The following ANKFN1 variants were observed in gnomAD, a reference collection of about 807,000 sequenced individuals.
ANKFN1 encodes the protein ankyrin repeat and fibronectin type III domain containing 1, also known as ankyrin repeat and fibronectin type-III domain-containing protein 1.
A neutral mutation model predicts 108.7 loss-of-function variants in ANKFN1; 74 were observed. That is an observed-to-expected ratio of 0.68 (90% CI 0.56 to 0.83). The LOEUF is 0.83. Among genes scored for constraint, ANKFN1 ranks in the 40% least tolerant of loss-of-function variants. ANKFN1 has a pLI of 0.00. For synonymous variants in ANKFN1, 547 were observed against 516.2 expected (o/e 1.06, Z -0.81); for missense variants, 1,505 against 1,382.3 (o/e 1.09, Z -1.41).
intron 3 of ANKFN1, among the ~76,000 whole-genome samples, chr17:56,285,879 C>A (rs781165681): frequency 3.3e-5 from 5 of 152,046 alleles, no homozygotes; most frequent in Admixed American, 6.6e-5. Flanking sequence ...ATGATCACCT[C>A]CTACTGATCT....
chr17:56,178,135 G>C (rs761504934), intron 1 of ANKFN1, among the ~76,000 whole-genome samples: 1 of 152,112 alleles, frequency 6.6e-6, no homozygotes, highest in Non-Finnish European at 1.5e-5. Flanking sequence ...AGTCCTAAAA[G>C]GTTGTAGGAT....
chr17:56,372,702 G>A lies in ANKFN1; in HGVS notation c.658G>A (p.Glu220Lys). 10 of 1,614,064 alleles carry A rather than the reference G, an allele frequency of 6.2e-6. No individual in the cohort carries two copies. The highest frequency in any genetic ancestry group is 7.6e-6 in the Non-Finnish European group (9 of 1,179,958). The change falls in exon 7 of 21, where the codon GAG (glutamate) becomes AAG (lysine). Residue 220 changes from glutamate (E) to lysine (K), a missense_variant. Glu to Lys is a moderately conservative substitution (Grantham distance 56). Transcript: ENST00000682825. Reference protein sequence around the residue: ...HLNTLVQEAQERVSELSAQVE... With the variant: ...HLNTLVQEAQKRVSELSAQVE... ...CAACACACTGGTCCAGGAAGCCCAG[G>A]AGAGGGTGAGTGAACTGTCTGCCCA...
intron 11 of ANKFN1, among the ~76,000 whole-genome samples, chr17:56,451,233 C>T (rs989141343): frequency 6.6e-6 from 1 of 152,124 alleles, no homozygotes; most frequent in African/African-American, 2.4e-5. Context: ...GTCACATTTG[C>T]TTAAACAAGC....
chr17:56,187,267 T>C (rs370149867), intron 1 of ANKFN1, among the ~76,000 whole-genome samples: 13 of 152,052 alleles, frequency 8.5e-5, no homozygotes, highest in African/African-American at 3.1e-4. Flanking sequence ...CATCAAAAAG[T>C]GGGCAAAGGA....
At chr17:56,074,301 A>G (rs1905155655) in intron 4 of ANKFN1, among the ~76,000 whole-genome samples, 1 of 152,198 alleles carries the variant, frequency 6.6e-6, no homozygotes. Context: ...TATAACCTGC[A>G]GGGGCACCCA....
intron 3 of ANKFN1, among the ~76,000 whole-genome samples, chr17:56,250,296 A>G (rs977482616): frequency 6.6e-6 from 1 of 152,214 alleles, no homozygotes; most frequent in African/African-American, 2.4e-5. Context: ...GTAAGGCTTC[A>G]TCTTACATGA....
At chr17:56,368,125 C>G in intron 6 of ANKFN1, 1 of 1,244,172 alleles carries the variant, frequency 8.0e-7, no homozygotes, top group Non-Finnish European at 1.1e-6. Flanking sequence ...GACAATGAGC[C>G]TGATCACTAT....
At chr17:56,149,668 C>T (rs1908478034), upstream of ANKFN1, among the ~76,000 whole-genome samples, 1 of 152,178 alleles carries the variant, frequency 6.6e-6, no homozygotes, top group Non-Finnish European at 1.5e-5. Flanking sequence ...CTCAGTCCCT[C>T]CCCAGATGAG....
intron 18 of ANKFN1, among the ~76,000 whole-genome samples, chr17:56,491,395 A>G (rs2051034209): frequency 6.6e-6 from 1 of 152,180 alleles, no homozygotes; most frequent in African/African-American, 2.4e-5. Context: ...GTTACGGTAT[A>G]AGATCAGAGC....
chr17:56,367,415 T>C (rs2046690667), intron 6 of ANKFN1, among the ~76,000 whole-genome samples: 1 of 151,712 alleles, frequency 6.6e-6, no homozygotes, highest in South Asian at 2.1e-4. Flanking sequence ...GTAACTCTAA[T>C]TGTATTCTTT....
intron 3 of ANKFN1, among the ~76,000 whole-genome samples, chr17:56,246,945 G>C (rs1286043187): frequency 6.6e-6 from 1 of 152,068 alleles, no homozygotes. Flanking sequence ...CCAGAGTTCT[G>C]TTTAATTTTT....
intron 8 of ANKFN1, among the ~76,000 whole-genome samples, chr17:56,385,456 C>T: frequency 6.6e-6 from 1 of 152,084 alleles, no homozygotes; most frequent in East Asian, 1.9e-4. Context: ...CAACAAAAGT[C>T]AAAATTGACA....
Position 56,375,478 on chromosome 17 carries a change from A to G in ANKFN1, c.910+764A>G, listed in dbSNP as rs527295972. On this transcript the variant is annotated intron_variant, in intron 8 of 20. Coordinates refer to ENST00000682825, the MANE Select transcript of ANKFN1 (RefSeq NM_001370326.1). Reference sequence around the variant, plus strand: ...ACTATGATCAACAGAAAAGGACAGAATGAGGCTCGAAATTAAGGCTAGGGA... The same window carrying G: ...ACTATGATCAACAGAAAAGGACAGAGTGAGGCTCGAAATTAAGGCTAGGGA... Among the ~76,000 whole-genome samples the G allele has an allele frequency of 3.3e-5, 5 of 152,292 alleles. No individual in the cohort carries two copies. In the East Asian group the frequency reaches 5.8e-4, roughly 18 times the overall value.
intron 6 of ANKFN1, chr17:56,368,276 C>CTTTTTTTTTTTTCTTTTT (rs2046714413): frequency 1.5e-5 from 1 of 65,416 alleles, no homozygotes; most frequent in Non-Finnish European, 3.0e-5. Flanking sequence ...TGAAAATGAA[C>CTTTTTTTTTTTTCTTTTT]TTTTTTTTTT....
chr17:56,331,868 G>A (rs575041667), intron 4 of ANKFN1, among the ~76,000 whole-genome samples: 2 of 152,268 alleles, frequency 1.3e-5, no homozygotes, highest in East Asian at 1.9e-4. Context: ...AAGAAAAAAG[G>A]GAAGTGAGTC....
intron 1 of ANKFN1, among the ~76,000 whole-genome samples, chr17:56,163,562 C>A (rs1909876288): frequency 6.6e-6 from 1 of 152,198 alleles, no homozygotes. Context: ...TACTTCCATA[C>A]CTATGTTTCC....
chr17:56,299,293 T>C (rs1049438861), intron 3 of ANKFN1, among the ~76,000 whole-genome samples: 3 of 152,098 alleles, frequency 2.0e-5, no homozygotes, highest in Non-Finnish European at 4.4e-5. Flanking sequence ...CTCCAATACC[T>C]TCCAGTGTTC....
intron 1 of ANKFN1, among the ~76,000 whole-genome samples, chr17:56,193,665 C>A (rs1307210845): frequency 6.6e-6 from 1 of 150,802 alleles, no homozygotes; most frequent in African/African-American, 2.4e-5. Flanking sequence ...AAATAAAAAG[C>A]ATAACACTCC....
intron 3 of ANKFN1, among the ~76,000 whole-genome samples, chr17:56,277,747 C>A (rs1436673372): frequency 3.3e-5 from 5 of 152,098 alleles, no homozygotes; most frequent in Non-Finnish European, 7.4e-5. Context: ...TCACTCACTG[C>A]CATAAAATCA....
Sources: gnomAD v4.1 joint callset for allele counts (sites outside exome capture counted in the v4.1 genomes callset) on GRCh38, gnomAD v4.1.1 for gene constraint, MANE v1.5 for transcripts, NCBI Gene and HGNC (gene_info 2026-07-23, HGNC 2026-07-21) for gene names.